Variants in MAGEB16 observed in about 807,000 individuals in gnomAD.
MAGEB16 encodes melanoma-associated antigen B16.
For synonymous variants in MAGEB16, 95 were observed against 92.1 expected, an observed-to-expected ratio of 1.03 and a Z score of -0.18; for missense variants, 217 against 234.0, an observed-to-expected ratio of 0.93 and a Z score of 0.47.
exon 1 of MAGEB16, chrX:35,798,415 C>G (rs1934831685): frequency 9.0e-6 from 1 of 110,559 alleles, no homozygotes; most frequent in Non-Finnish European, 1.9e-5. Context: ...TGTCAGGTGT[C>G]GAGGTAAAAC....
exon 2 of MAGEB16, chrX:35,802,823 C>A (rs1417223274): frequency 8.3e-7 from 1 of 1,211,533 alleles, no homozygotes; most frequent in Non-Finnish European, 1.1e-6. Context: ...TGATAATTGT[C>A]CTGGGTGTGA....
Position 35,800,983 on chromosome X carries a change from G to C in MAGEB16, c.-66-1148G>C, listed in dbSNP as rs371261574. On this transcript the variant is annotated intron_variant, in intron 1 of 1. Transcript: ENST00000399988. ...AGAGACACAGAGTAAGGACCAATAG[G>C]AATCCACTCCAGGATATATGTCGCC... Among the ~76,000 whole-genome samples, 6 of 111,262 alleles carry C rather than the reference G, an allele frequency of 5.4e-5. No homozygotes were observed. In the South Asian group the frequency reaches 1.2e-3, roughly 21 times the overall value.
chrX:35,802,815 A>T (rs1445506636), exon 2 of MAGEB16: 1 of 1,209,556 alleles, frequency 8.3e-7, no homozygotes, highest in Non-Finnish European at 1.1e-6. Context: ...TGGCCTCCTG[A>T]TAATTGTCCT....
At chrX:35,799,478 G>A (rs1009119226) in intron 1 of MAGEB16, among the ~76,000 whole-genome samples, 2 of 111,731 alleles carry the variant, frequency 1.8e-5, no homozygotes, top group South Asian at 3.8e-4. Flanking sequence ...CACCCTAGGG[G>A]TGTCAAACTG....
At chrX:35,802,824 C>A in exon 2 of MAGEB16, 2 of 1,211,683 alleles carry the variant, frequency 1.7e-6, no homozygotes, top group Non-Finnish European at 2.2e-6. Context: ...GATAATTGTC[C>A]TGGGTGTGAT....
At chrX:35,802,732 G>A in exon 2 of MAGEB16, 1 of 1,209,319 alleles carries the variant, frequency 8.3e-7, no homozygotes, top group East Asian at 3.0e-5. Flanking sequence ...ACCACCCATT[G>A]CTATGGCCTC....
chrX:35,800,615 TGAG>T, intron 1 of MAGEB16: 1 of 524,462 alleles, frequency 1.9e-6, no homozygotes, highest in Non-Finnish European at 3.5e-6. Flanking sequence ...TCCCAGATAA[TGAG>T]GACAGAACGT....
At chrX:35,799,318 C>G (rs1439039849) in intron 1 of MAGEB16, among the ~76,000 whole-genome samples, 1 of 110,905 alleles carries the variant, frequency 9.0e-6, no homozygotes, top group African/African-American at 3.3e-5. Context: ...GAGATGAAGT[C>G]TTGGTTGGAA....
In MAGEB16 at chrX:35,803,038, C is replaced by T. The variant is rs780079509; in HGVS notation, c.842C>T (p.Ala281Val). 8 of 1,210,366 alleles carry T rather than the reference C, an allele frequency of 6.6e-6. No individual in the cohort carries two copies. Among genetic ancestry groups the T allele is most frequent in the Non-Finnish European group, 8.9e-6 (8 of 895,336 alleles). Reference sequence around the variant, plus strand: ...TATGAATTCCTGTGGGGCCCAAGAGCCAAAGCTGAAACCAGCAAGATGAAA... The same window carrying T: ...TATGAATTCCTGTGGGGCCCAAGAGTCAAAGCTGAAACCAGCAAGATGAAA... Residue 281 changes from alanine (A) to valine (V), a missense_variant, in exon 2 of 2, where the codon GCC (alanine) becomes GTC (valine). Ala to Val is a moderately conservative substitution (Grantham distance 64). Transcript: ENST00000399988.
chrX:35,803,063 A>T (rs747714325), exon 2 of MAGEB16: 6 of 1,210,165 alleles, frequency 5.0e-6, no homozygotes, highest in Non-Finnish European at 5.6e-6. Context: ...GCAAGATGAA[A>T]GTCCTGGAGT....
intron 1 of MAGEB16, 72 bp downstream of exon 1, chrX:35,798,490 G>C (rs1934832451): frequency 8.9e-6 from 1 of 111,771 alleles, no homozygotes; most frequent in African/African-American, 3.3e-5. Flanking sequence ...TCAACTCTGG[G>C]AGGCCGTGGG....
Position 35,799,037 on chromosome X carries a change from ATT to A in MAGEB16, c.-67+636_-67+637del, listed in dbSNP as rs77411234. ...AGGTGCCCGCCACCATGCGCGGCTA[ATT>A]TTTTTTTTTTTTTTTTGTATTTTTA... On this transcript the variant is annotated intron_variant, in intron 1 of 1. Coordinates refer to ENST00000399988, the Ensembl canonical transcript of MAGEB16. 9.9e-3 allele frequency among the ~76,000 whole-genome samples: 920 copies of A among 92,468 alleles called. 12 individuals carry two copies. Among genetic ancestry groups the A allele is most frequent in the African/African-American group, 0.035 (858 of 24,614 alleles). The allele number at this position is 92,468 out of a possible 115,157, so 80.3% of individuals were successfully genotyped here. A position where few individuals can be genotyped will look rare whatever the true frequency, so the allele number is the denominator to read the frequency against.
At chrX:35,802,744 T>G (rs752714333) in exon 2 of MAGEB16, 1 of 1,211,508 alleles carries the variant, frequency 8.3e-7, no homozygotes, top group Non-Finnish European at 1.1e-6. Flanking sequence ...TATGGCCTCT[T>G]CATCAAACTG....
At chrX:35,802,312 TCTC>T (rs1382582762) in exon 2 of MAGEB16, 6 of 1,208,263 alleles carry the variant, frequency 5.0e-6, no homozygotes, top group Admixed American at 2.2e-5. Context: ...AAGACCCTCC[TCTC>T]CTCCTCCCAT....
At chrX:35,802,222 G>A (rs746408660) in exon 2 of MAGEB16, 8 of 1,209,362 alleles carry the variant, frequency 6.6e-6, no homozygotes, top group South Asian at 1.8e-5. Flanking sequence ...GAGAGTCCAC[G>A]ATGCACACAT....
chrX:35,802,421 C>G (rs1934871681), exon 2 of MAGEB16: 5 of 1,207,071 alleles, frequency 4.1e-6, no homozygotes, highest in Non-Finnish European at 5.6e-6. Context: ...CCATTGCCGT[C>G]ACAACCACCT....
At chrX:35,803,011 G>T in exon 2 of MAGEB16, 1 of 1,212,097 alleles carries the variant, frequency 8.3e-7, no homozygotes, top group Non-Finnish European at 1.1e-6. Flanking sequence ...GATCCTGCAC[G>T]ATATGAATTC....
At chrX:35,802,498 A>T in exon 2 of MAGEB16, 1 of 1,211,070 alleles carries the variant, frequency 8.3e-7, no homozygotes, top group Non-Finnish European at 1.1e-6. Context: ...TCCTCAGAGG[A>T]TACATCAGAC....
At chrX:35,801,954 C>T (rs989635533) in intron 1 of MAGEB16, among the ~76,000 whole-genome samples, 177 bp from the exon 2 acceptor site, 7 of 112,165 alleles carry the variant, frequency 6.2e-5, no homozygotes, top group Admixed American at 1.9e-4. Context: ...CTGGCTGCAC[C>T]CTGAGAATTC....
Sources: allele counts gnomAD v4.1 joint callset (sites outside exome capture counted in the v4.1 genomes callset), GRCh38; gene constraint gnomAD v4.1.1; transcripts MANE v1.5; gene names NCBI Gene and HGNC (gene_info 2026-07-23, HGNC 2026-07-21).